The following AHR variants were observed in gnomAD, a reference collection of about 807,000 sequenced individuals.
The protein encoded by AHR is AH-receptor.
In AHR, 40 loss-of-function variants were observed where a neutral mutation model predicts 86.8. The observed-to-expected ratio is 0.46, with a 90% CI of 0.36 to 0.60. The LOEUF (loss-of-function observed/expected upper bound fraction) is 0.60, where lower values mean the gene tolerates loss of function less well. Among genes scored for constraint, AHR ranks in the 20% least tolerant of loss-of-function variants. The pLI is 0.00. For missense variants in AHR, 1,001 were observed against 1,011.6 expected (o/e 0.99, Z 0.14); for synonymous variants, 398 against 354.9 (o/e 1.12, Z -1.37).
chr7:17,330,320 A>T (rs201757346), intron 5 of AHR, among the ~76,000 whole-genome samples: 1 of 151,948 alleles, frequency 6.6e-6, no homozygotes, highest in East Asian at 1.9e-4. Flanking sequence ...AATGTATTTT[A>T]TAAAAATAAG....
At chr7:17,315,663 GTTAAGTC>G (rs1007762066) in intron 2 of AHR, among the ~76,000 whole-genome samples, 4 of 151,786 alleles carry the variant, frequency 2.6e-5, no homozygotes, top group Non-Finnish European at 5.9e-5. Flanking sequence ...AAAATCTGTA[GTTAAGTC>G]TTAAGATATT....
At position 17,339,101 on chromosome 7, in the gene AHR, C is replaced by T. The variant is rs190159217; in HGVS notation, c.1276C>T (p.Pro426Ser). Reference sequence around the variant, plus strand: ...CAACCCTTTTCCTGCCATAATGGATCCCTTACCACTAAGGACTAAAAATGG... The same window carrying T: ...CAACCCTTTTCCTGCCATAATGGATTCCTTACCACTAAGGACTAAAAATGG... ...ATNPFPAIMD[P>S]LPLRTKNGTS... is the part of the protein sequence containing the mutation. The change falls in exon 10 of 11, where the codon CCC becomes TCC. Residue 426 changes from proline (P) to serine (S), a missense_variant. Physicochemically the swap from Pro to Ser is moderately conservative, Grantham distance 74. Coordinates refer to ENST00000242057, the MANE Select transcript of AHR (RefSeq NM_001621.5). The T allele has an allele frequency of 6.2e-7, 1 of 1,614,110 alleles. No homozygotes were observed. The highest frequency in any genetic ancestry group is 1.7e-5 in the Admixed American group (1 of 60,012).
At chr7:17,312,858 G>C (rs1782080228) in intron 2 of AHR, among the ~76,000 whole-genome samples, 1 of 152,186 alleles carries the variant, frequency 6.6e-6, no homozygotes, top group African/African-American at 2.4e-5. Context: ...TGCCCCTGCT[G>C]ATAACAAGGA....
intron 2 of AHR, among the ~76,000 whole-genome samples, chr7:17,315,399 A>G (rs1170936252): frequency 6.6e-6 from 1 of 152,046 alleles, no homozygotes; most frequent in African/African-American, 2.4e-5. Flanking sequence ...TGAGATTCAA[A>G]CAATCTAAAC....
At position 17,340,181 on chromosome 7, in the gene AHR, A is replaced by T; in HGVS notation, c.2356A>T (p.Met786Leu). ...PEPQHTHVGQ[M>L]QYNPVLPGQQ... Reference sequence around the variant, plus strand: ...ACCTCAGCACACCCACGTGGGTCAGATGCAGTACAATCCAGTACTGCCAGG... The same window carrying T: ...ACCTCAGCACACCCACGTGGGTCAGTTGCAGTACAATCCAGTACTGCCAGG... Residue 786 changes from methionine (M) to leucine (L), a missense_variant, in exon 10 of 11, where the codon ATG (methionine) becomes TTG (leucine). Met to Leu is a conservative substitution (Grantham distance 15). Coordinates refer to ENST00000242057, the MANE Select transcript of AHR (RefSeq NM_001621.5). 1 of 1,614,178 alleles carries T rather than the reference A, an allele frequency of 6.2e-7. No individual in the cohort carries two copies. The highest frequency in any genetic ancestry group is 1.7e-5 in the Admixed American group (1 of 60,020).
rs571839261 is a variant in AHR at position 17,342,173 on chromosome 7, A to T, written c.2404-748A>T. 2.0e-5 allele frequency among the ~76,000 whole-genome samples: 3 copies of T among 152,246 alleles called. No individual in the cohort carries two copies. The South Asian group carries it at 6.2e-4, about 32-fold the overall frequency. ...TTTAATCTGTTTTAAAGTTTCCAGAACGTCCACTAACTAAAATATAAAGGC... is the reference window on the plus strand; with the variant it reads ...TTTAATCTGTTTTAAAGTTTCCAGATCGTCCACTAACTAAAATATAAAGGC... On this transcript the variant is annotated intron_variant, in intron 10 of 10. Coordinates refer to ENST00000242057, the MANE Select transcript of AHR (RefSeq NM_001621.5).
intron 1 of AHR, among the ~76,000 whole-genome samples, chr7:17,309,076 G>C (rs1782035361): frequency 6.6e-6 from 1 of 152,174 alleles, no homozygotes; most frequent in African/African-American, 2.4e-5. Context: ...AATGTCTGCT[G>C]TGAAATCCTG....
At chr7:17,311,716 G>A (rs1782066128) in intron 2 of AHR, among the ~76,000 whole-genome samples, 1 of 152,126 alleles carries the variant, frequency 6.6e-6, no homozygotes, top group African/African-American at 2.4e-5. Context: ...TGAATTTTCA[G>A]TTGCCTCTAT....
At chr7:17,300,551 A>G (rs982642314) in intron 1 of AHR, among the ~76,000 whole-genome samples, 5 of 152,202 alleles carry the variant, frequency 3.3e-5, no homozygotes, top group African/African-American at 4.8e-5. Flanking sequence ...ATGAATTGGC[A>G]TTAACAGAGG....
intron 1 of AHR, among the ~76,000 whole-genome samples, chr7:17,307,850 C>T (rs1297302795): frequency 6.6e-6 from 1 of 152,172 alleles, no homozygotes; most frequent in African/African-American, 2.4e-5. Flanking sequence ...TGCCTAAGTC[C>T]GATTTCTATC....
At chr7:17,338,664 C>T (rs1357389501) in intron 9 of AHR, among the ~76,000 whole-genome samples, 1 of 152,054 alleles carries the variant, frequency 6.6e-6, no homozygotes, top group African/African-American at 2.4e-5. Context: ...CCCCTAAATT[C>T]TCGTAGTCTG....
At position 17,345,478 on chromosome 7, in the gene AHR, C is replaced by G. The variant is rs1782473760; in HGVS notation, c.*2414C>G. 6.6e-6 allele frequency: 1 copy of G among 152,578 alleles called. No individual in the cohort carries two copies. The highest frequency in any genetic ancestry group is 2.4e-5 in the African/African-American group (1 of 41,422). 9.5% of individuals were successfully genotyped at this position (152,578 alleles called of 1,614,324 possible). A position where few individuals can be genotyped will look rare whatever the true frequency, so the allele number is the denominator to read the frequency against. On this transcript the variant is annotated 3_prime_UTR_variant, in exon 11 of 11. Coordinates refer to ENST00000242057, the MANE Select transcript of AHR (RefSeq NM_001621.5). ...TGGAAAAAATTTGTCTGAAACATTT[C>G]ATAATTTGTTTCCAGCATGAGGTAT... is the stretch of plus-strand genomic sequence containing the variant.
At chr7:17,333,764 G>C (rs1782325676) in intron 6 of AHR, 148 bp from the exon 7 acceptor site, 4 of 627,986 alleles carry the variant, frequency 6.4e-6, no homozygotes, top group Non-Finnish European at 1.1e-5. Context: ...ATGGAGAGAG[G>C]AGTGAAGGAA....
rs550765018 is a variant in AHR at position 17,338,193 on chromosome 7, C to T, written c.1161-793C>T. Among the ~76,000 whole-genome samples the T allele has an allele frequency of 1.8e-3, 258 of 143,864 alleles. 1 individual carries two copies. Among genetic ancestry groups the T allele is most frequent in the African/African-American group, 6.0e-3 (234 of 39,032 alleles). 94.4% of individuals were successfully genotyped at this position (143,864 alleles called of 152,430 possible). A position where few individuals can be genotyped will look rare whatever the true frequency, so the allele number is the denominator to read the frequency against. On this transcript the variant is annotated intron_variant, in intron 9 of 10. Coordinates refer to ENST00000242057, the MANE Select transcript of AHR (RefSeq NM_001621.5). ...CAGCCTGGGCGACAGAGCGAGACTC[C>T]GTCTCAAAAAAAAAAAAAAAAATCT...
chr7:17,333,993 T>C lies in AHR; in HGVS notation c.787T>C (p.Leu263=). 6.2e-7 allele frequency: 1 copy of C among 1,613,554 alleles called. No homozygotes were observed. The highest frequency in any genetic ancestry group is 2.2e-5 in the East Asian group (1 of 44,858). Residue 263 remains leucine, a synonymous_variant, in exon 7 of 11, where the codon TTG becomes CTG. Coordinates refer to ENST00000242057, the MANE Select transcript of AHR (RefSeq NM_001621.5). The part of the protein sequence containing the change: ...GKDGSILPPQ[L]ALFAIATPLQ... Reference sequence around the variant, plus strand: ...AGATGGATCAATACTTCCACCTCAGTTGGCTTTGTTTGCGATAGCTACTCC... The same window carrying C: ...AGATGGATCAATACTTCCACCTCAGCTGGCTTTGTTTGCGATAGCTACTCC...
At chr7:17,314,892 A>G (rs532263645) in intron 2 of AHR, among the ~76,000 whole-genome samples, 3 of 152,174 alleles carry the variant, frequency 2.0e-5, no homozygotes, top group African/African-American at 7.2e-5. Context: ...TTCTAGGACT[A>G]TCCAAAGTAG....
rs142068538 is a variant in AHR at position 17,343,707 on chromosome 7, T to C, written c.*643T>C. On this transcript the variant is annotated 3_prime_UTR_variant, in exon 11 of 11. Coordinates refer to ENST00000242057, the MANE Select transcript of AHR (RefSeq NM_001621.5). ...ATTAATATCTTTCTGCACACAAATATTATTTGTGTTTCCTAAATCCAACCA... is the reference window on the plus strand; with the variant it reads ...ATTAATATCTTTCTGCACACAAATACTATTTGTGTTTCCTAAATCCAACCA... The C allele has an allele frequency of 4.6e-5, 7 of 152,754 alleles. No individual in the cohort carries two copies. In the East Asian group the frequency reaches 1.3e-3, roughly 29 times the overall value. 9.5% of individuals were successfully genotyped at this position (152,754 alleles called of 1,614,324 possible).
At chr7:17,338,946 A>T in intron 9 of AHR, 40 bp from the exon 10 acceptor site, 12 of 1,495,820 alleles carry the variant, frequency 8.0e-6, no homozygotes, top group Non-Finnish European at 1.1e-5. Flanking sequence ...AAAATGTTTG[A>T]TAGAATTTTT....
At chr7:17,313,582 C>T (rs1205357044) in intron 2 of AHR, among the ~76,000 whole-genome samples, 4 of 152,074 alleles carry the variant, frequency 2.6e-5, no homozygotes, top group African/African-American at 4.8e-5. Context: ...CTGCTGCTGT[C>T]TGAAAAGCAA....
Sources: gnomAD v4.1 joint callset for allele counts (sites outside exome capture counted in the v4.1 genomes callset) on GRCh38, gnomAD v4.1.1 for gene constraint, MANE v1.5 for transcripts, NCBI Gene and HGNC (gene_info 2026-07-23, HGNC 2026-07-21) for gene names.